Variants in BANK1 observed in about 807,000 individuals in gnomAD.
BANK1 encodes the protein B cell scaffold protein with ankyrin repeats 1.
A neutral mutation model predicts 94.5 loss-of-function variants in BANK1; 95 were observed. The ratio of observed to expected loss-of-function variants is 1.00; its 90% CI spans 0.85 to 1.19. The LOEUF (loss-of-function observed/expected upper bound fraction) is 1.19. BANK1 is among the 50% of genes most tolerant of loss of function. The probability of loss-of-function intolerance (pLI) is 0.00; values close to 1 mark genes in which losing one functional copy is unlikely to be tolerated. For missense variants in BANK1, 987 were observed against 932.2 expected (o/e 1.06, Z -0.77); for synonymous variants, 334 against 308.4 (o/e 1.08, Z -0.87).
intron 5 of BANK1, among the ~76,000 whole-genome samples, chr4:101,878,078 A>G (rs1454577844): frequency 6.6e-6 from 1 of 152,302 alleles, no homozygotes; most frequent in East Asian, 1.9e-4. Flanking sequence ...AACAAATATC[A>G]AAATAGCAGG....
chr4:101,914,103 T>A (rs1722752973), intron 6 of BANK1, among the ~76,000 whole-genome samples: 1 of 152,216 alleles, frequency 6.6e-6, no homozygotes, highest in Non-Finnish European at 1.5e-5. Flanking sequence ...AAGTTTTTCC[T>A]GTTGTTTGTC....
Position 101,829,975 on chromosome 4 carries a change from T to C in BANK1, c.238T>C (p.Cys80Arg). 1.2e-6 allele frequency: 2 copies of C among 1,613,738 alleles called. No homozygotes were observed. The highest frequency in any genetic ancestry group is 1.7e-6 in the Non-Finnish European group (2 of 1,179,842). ...GTTGCTGAACTTAACGTCTTACAAA[T>C]GTAAACTTTTGATATTATCAAATAG... is the stretch of plus-strand genomic sequence containing the variant. Reference protein sequence around the residue: ...LELLNLTSYKCKLLILSNSLL... With the variant: ...LELLNLTSYKRKLLILSNSLL... The change falls in exon 2 of 17, where the codon TGT becomes CGT. Residue 80 changes from cysteine to arginine, a missense_variant. Physicochemically the swap from Cys to Arg is radical, Grantham distance 180. Transcript: ENST00000322953.
At chr4:101,807,086 C>G (rs191514629) in intron 1 of BANK1, among the ~76,000 whole-genome samples, 91 of 152,260 alleles carry the variant, frequency 6.0e-4, no homozygotes, top group Middle Eastern at 3.4e-3. Flanking sequence ...AACTGCTGTT[C>G]CAGAAAATCA....
At chr4:101,949,397 G>C (rs1345614940) in intron 7 of BANK1, among the ~76,000 whole-genome samples, 1 of 152,038 alleles carries the variant, frequency 6.6e-6, no homozygotes, top group East Asian at 1.9e-4. Flanking sequence ...CAAAAGACAG[G>C]GATATCGGGA....
intron 1 of BANK1, among the ~76,000 whole-genome samples, chr4:101,821,368 C>T (rs764442828): frequency 1.4e-4 from 22 of 152,058 alleles, no homozygotes; most frequent in Non-Finnish European, 2.6e-4. Context: ...TTGTCAGATG[C>T]GTAGTTTGCA....
intron 5 of BANK1, among the ~76,000 whole-genome samples, chr4:101,872,917 G>A (rs1222703710): frequency 1.3e-5 from 2 of 151,794 alleles, no homozygotes; most frequent in Non-Finnish European, 2.9e-5. Flanking sequence ...GAACCCGGGA[G>A]GTAGAGGTTG....
chr4:101,967,409 T>A (rs778478380), intron 7 of BANK1, among the ~76,000 whole-genome samples: 1 of 152,000 alleles, frequency 6.6e-6, no homozygotes, highest in African/African-American at 2.4e-5. Context: ...GAAAGAATTA[T>A]AATGGGATGG....
chr4:102,037,915 C>CT (rs1385013863), intron 10 of BANK1, among the ~76,000 whole-genome samples: 1 of 152,134 alleles, frequency 6.6e-6, no homozygotes, highest in African/African-American at 2.4e-5. Flanking sequence ...TGCTTCTTCC[C>CT]TTTTGCATGG....
At chr4:102,062,317 G>A (rs1728443923) in intron 12 of BANK1, 1 of 152,120 alleles carries the variant, frequency 6.6e-6, no homozygotes, top group African/African-American at 2.4e-5. Flanking sequence ...GCCCTTCACT[G>A]TCCTCACCCC....
At chr4:102,033,019 T>C (rs1462455978) in intron 10 of BANK1, among the ~76,000 whole-genome samples, 1 of 152,154 alleles carries the variant, frequency 6.6e-6, no homozygotes, top group Admixed American at 6.5e-5. Context: ...CCCAAAATAT[T>C]ATTTATGTAA....
chr4:101,961,744 TAA>T (rs577567532), intron 7 of BANK1, among the ~76,000 whole-genome samples: 1 of 152,176 alleles, frequency 6.6e-6, no homozygotes, highest in Non-Finnish European at 1.5e-5. Flanking sequence ...TGTTCTTTAC[TAA>T]AGAGAGAAAG....
intron 1 of BANK1, among the ~76,000 whole-genome samples, chr4:101,803,040 G>A (rs1725408291): frequency 6.6e-6 from 1 of 152,174 alleles, no homozygotes; most frequent in South Asian, 2.1e-4. Context: ...GAGAGATTCT[G>A]CAACAATGTC....
At chr4:101,934,120 A>G (rs548398058) in intron 7 of BANK1, among the ~76,000 whole-genome samples, 2 of 151,656 alleles carry the variant, frequency 1.3e-5, no homozygotes, top group South Asian at 4.1e-4. Context: ...ATAGGATAGG[A>G]TCTCTTACTA....
intron 3 of BANK1, among the ~76,000 whole-genome samples, chr4:101,857,726 A>G (rs539293503): frequency 1.3e-5 from 2 of 152,318 alleles, no homozygotes; most frequent in Admixed American, 1.3e-4. Flanking sequence ...TTCCCCATGC[A>G]CTAGTGAAGA....
chr4:102,055,851 A>G (rs895880295), intron 11 of BANK1, among the ~76,000 whole-genome samples: 1 of 152,074 alleles, frequency 6.6e-6, no homozygotes. Context: ...CATTTTGATA[A>G]TTTACTTTTC....
At chr4:102,025,640 A>T in intron 9 of BANK1, 131 bp downstream of exon 9, 1 of 840,530 alleles carries the variant, frequency 1.2e-6, no homozygotes, top group Non-Finnish European at 1.8e-6. Context: ...CATTCTTCCT[A>T]TTCTTTAAAA....
chr4:101,929,176 A>G (rs1723261434), intron 7 of BANK1, among the ~76,000 whole-genome samples: 1 of 57,160 alleles, frequency 1.7e-5, no homozygotes, highest in African/African-American at 3.9e-5. Context: ...CTATACTATT[A>G]TCATAATAAT....
intron 7 of BANK1, among the ~76,000 whole-genome samples, chr4:102,003,733 T>C (rs1553940132): frequency 6.6e-6 from 1 of 152,042 alleles, no homozygotes; most frequent in Non-Finnish European, 1.5e-5. Context: ...TGGAAGAGCA[T>C]GTTGAAGGAG....
intron 4 of BANK1, among the ~76,000 whole-genome samples, chr4:101,863,068 G>A (rs947164731): frequency 6.6e-6 from 1 of 151,422 alleles, no homozygotes; most frequent in African/African-American, 2.4e-5. Flanking sequence ...CCAAGTCTCT[G>A]GTATATTTTT....
Sources: gnomAD v4.1 joint callset for allele counts (sites outside exome capture counted in the v4.1 genomes callset) on GRCh38, gnomAD v4.1.1 for gene constraint, MANE v1.5 for transcripts, NCBI Gene and HGNC (gene_info 2026-07-23, HGNC 2026-07-21) for gene names.